Variants in BPIFC observed in about 807,000 individuals in gnomAD.
BPIFC encodes BPI fold-containing family C protein.
In BPIFC, 60 loss-of-function variants were observed where a neutral mutation model predicts 57.6. The observed-to-expected ratio is 1.04, with a 90% CI of 0.85 to 1.29. The LOEUF (loss-of-function observed/expected upper bound fraction) is 1.29, where lower values mean the gene tolerates loss of function less well. Ranked by LOEUF, BPIFC falls within the 50% of genes most tolerant of loss-of-function variation. The probability of loss-of-function intolerance (pLI) is 0.00; values close to 1 mark genes in which losing one functional copy is unlikely to be tolerated. For synonymous variants in BPIFC, 243 were observed against 224.5 expected (o/e 1.08, Z -0.74); for missense variants, 581 against 600.5 (o/e 0.97, Z 0.34).
intron 4 of BPIFC, among the ~76,000 whole-genome samples, chr22:32,447,750 C>T (rs543626638): frequency 6.6e-6 from 1 of 151,952 alleles, no homozygotes; most frequent in Admixed American, 6.6e-5. Flanking sequence ...GGTCTACAGG[C>T]ATGTGCCATC....
chr22:32,424,642 C>CCCTTCT lies in BPIFC; in HGVS notation c.1218-5239_1218-5238insAGAAGG, dbSNP rs1556036524. ...TCCTCCTCCTCCTCTTCTTCTTCTT[C>CCCTTCT]TCTTCTTCTTCTTCTTCTTCTTCTT... On this transcript the variant is annotated intron_variant, in intron 13 of 16. Coordinates refer to ENST00000300399, the MANE Select transcript of BPIFC (RefSeq NM_174932.3). Among the ~76,000 whole-genome samples the CCCTTCT allele has an allele frequency of 5.6e-4, 16 of 28,754 alleles. 3 individuals carry two copies. The highest frequency in any genetic ancestry group is 8.5e-4 in the Non-Finnish European group (15 of 17,660). 18.9% of individuals were successfully genotyped at this position (28,754 alleles called of 152,430 possible). A position where few individuals can be genotyped will look rare whatever the true frequency, so the allele number is the denominator to read the frequency against.
rs765539718 is a variant in BPIFC, at chr22:32,432,409, C to T, written c.1113G>A (p.Lys371=). The T allele has an allele frequency of 8.1e-6, 13 of 1,613,910 alleles. No individual in the cohort carries two copies. Among genetic ancestry groups the T allele is most frequent in the Admixed American group, 5.0e-5 (3 of 59,976 alleles). The part of the protein sequence containing the change: ...PASIMMLTQP[K]NSTVETIVSM... ...AAACGATGGTTTCAACTGTGGAGTT[C>T]TTGGGTTGGGTGAGCATCATGATGG... Residue 371 remains lysine (K), a synonymous_variant, in exon 12 of 17, where the codon AAG becomes AAA. Transcript: ENST00000300399.
chr22:32,435,709 C>T lies in BPIFC; in HGVS notation c.919G>A (p.Glu307Lys), dbSNP rs775661829. 44 of 1,612,988 alleles carry T rather than the reference C, an allele frequency of 2.7e-5. No homozygotes were observed. Among genetic ancestry groups the T allele is most frequent in the African/African-American group, 8.0e-5 (6 of 74,862 alleles). Reference protein sequence around the residue: ...AGVFNVTLSTEEISNHFVQNS... With the variant: ...AGVFNVTLSTKEISNHFVQNS... The stretch of plus-strand genomic sequence containing the variant: ...CCTCAGTTAACTCTCCTCACCTCTT[C>T]GGTGGAGAGAGTGACATTGAAAACC... Residue 307 changes from glutamate to lysine, a missense_variant, in exon 10 of 17, where the codon GAA (glutamate) becomes AAA (lysine). Glu to Lys is a moderately conservative substitution (Grantham distance 56). Coordinates refer to ENST00000300399, the MANE Select transcript of BPIFC (RefSeq NM_174932.3).
Position 32,447,429 on chromosome 22 carries a change from A to G in BPIFC, c.246-89T>C, listed in dbSNP as rs1432910481. 2.0e-6 allele frequency: 3 copies of G among 1,469,776 alleles called. No individual in the cohort carries two copies. The East Asian group carries it at 7.0e-5, about 34-fold the overall frequency. The allele number at this position is 1,469,776 out of a possible 1,614,324, so 91.0% of individuals were successfully genotyped here. Reference sequence around the variant, plus strand: ...TTGGGAACACAGTTGCAGAGCTCTTACCATTGAGGCCATTGTGAACTCCTA... The same window carrying G: ...TTGGGAACACAGTTGCAGAGCTCTTGCCATTGAGGCCATTGTGAACTCCTA... On this transcript the variant is annotated intron_variant, in intron 4 of 16. Transcript: ENST00000300399.
At chr22:32,428,984 TC>T (rs1412171566) in intron 13 of BPIFC, among the ~76,000 whole-genome samples, 1 of 152,044 alleles carries the variant, frequency 6.6e-6, no homozygotes, top group Non-Finnish European at 1.5e-5. Flanking sequence ...CCTCTCATAA[TC>T]CCATATCCTA....
chr22:32,430,563 ATATATTT>A (rs1934211050), intron 13 of BPIFC, among the ~76,000 whole-genome samples: 1 of 148,122 alleles, frequency 6.8e-6, no homozygotes, highest in South Asian at 2.1e-4. Context: ...AAATATAAAA[ATATATTT>A]ATTACATATG....
chr22:32,424,513 G>A (rs1361277102), intron 13 of BPIFC, among the ~76,000 whole-genome samples: 1 of 149,408 alleles, frequency 6.7e-6, no homozygotes, highest in African/African-American at 2.5e-5. Flanking sequence ...ATGCTTATGG[G>A]TTTCCTCTTC....
chr22:32,453,975 A>G lies in BPIFC; in HGVS notation c.125-472T>C, dbSNP rs188757263. Among the ~76,000 whole-genome samples, 17 of 152,280 alleles carry G rather than the reference A, an allele frequency of 1.1e-4. No individual in the cohort carries two copies. The East Asian group carries it at 2.7e-3, about 24-fold the overall frequency. ...AAAATTAAAAAATTAGCTGGGCATA[A>G]TGGTGCATGTCTATAGTACCAGTGA... On this transcript the variant is annotated intron_variant, in intron 3 of 16. Transcript: ENST00000300399.
chr22:32,416,701 T>C (rs1933688898), intron 15 of BPIFC, among the ~76,000 whole-genome samples: 1 of 152,242 alleles, frequency 6.6e-6, no homozygotes, highest in South Asian at 2.1e-4. Context: ...TCATGAAAAC[T>C]GTGTCTATCC....
At chr22:32,435,912 T>C in intron 9 of BPIFC, 32 bp from the exon 10 acceptor site, 1 of 1,586,266 alleles carries the variant, frequency 6.3e-7, no homozygotes, top group Non-Finnish European at 8.5e-7. Flanking sequence ...GACCAGTGTA[T>C]CAGGTGAAAA....
At chr22:32,436,165 G>T (rs185843308) in intron 9 of BPIFC, among the ~76,000 whole-genome samples, 2 of 152,036 alleles carry the variant, frequency 1.3e-5, no homozygotes, top group African/African-American at 4.8e-5. Context: ...GTGGTGGCGC[G>T]TACCTGTAGT....
intron 2 of BPIFC, among the ~76,000 whole-genome samples, chr22:32,460,776 G>T (rs1000897198): frequency 6.6e-6 from 1 of 152,060 alleles, no homozygotes; most frequent in Non-Finnish European, 1.5e-5. Context: ...TTATTCATGC[G>T]TGTATGTTTC....
intron 3 of BPIFC, among the ~76,000 whole-genome samples, chr22:32,456,934 G>T (rs1935050577): frequency 6.6e-6 from 1 of 152,216 alleles, no homozygotes; most frequent in South Asian, 2.1e-4. Context: ...AAGCCCCAAG[G>T]TGTTACTTTT....
intron 13 of BPIFC, among the ~76,000 whole-genome samples, chr22:32,426,867 T>C (rs1416275132): frequency 3.4e-5 from 5 of 146,586 alleles, no homozygotes; most frequent in Admixed American, 1.4e-4. Flanking sequence ...ACTCCAGCCC[T>C]GGCAACAGAG....
At chr22:32,447,088 T>A in intron 5 of BPIFC, 124 bp downstream of exon 5, 1 of 1,322,140 alleles carries the variant, frequency 7.6e-7, no homozygotes. Context: ...AAAATGCTTT[T>A]GAGAAAGATT....
At chr22:32,454,832 T>A (rs1028133508) in intron 3 of BPIFC, among the ~76,000 whole-genome samples, 1 of 152,170 alleles carries the variant, frequency 6.6e-6, no homozygotes, top group South Asian at 2.1e-4. Flanking sequence ...CTTGTGTGAC[T>A]CTGCAAGTTA....
intron 5 of BPIFC, among the ~76,000 whole-genome samples, chr22:32,446,296 T>C (rs1478479223): frequency 1.3e-5 from 2 of 152,180 alleles, no homozygotes; most frequent in African/African-American, 4.8e-5. Context: ...ATATACAATG[T>C]TTGTTTGGGG....
At chr22:32,421,281 T>C (rs1251227622) in intron 13 of BPIFC, among the ~76,000 whole-genome samples, 2 of 152,248 alleles carry the variant, frequency 1.3e-5, no homozygotes, top group East Asian at 1.9e-4. Context: ...TATGAAGAAA[T>C]AGTAATGAAT....
At chr22:32,428,320 C>T (rs759045671) in intron 13 of BPIFC, among the ~76,000 whole-genome samples, 102 of 151,612 alleles carry the variant, frequency 6.7e-4, no homozygotes, top group Non-Finnish European at 1.3e-3. Context: ...CTTGCTCTGT[C>T]GCCCAGATTG....
Sources: allele counts gnomAD v4.1 joint callset (sites outside exome capture counted in the v4.1 genomes callset), GRCh38; gene constraint gnomAD v4.1.1; transcripts MANE v1.5; gene names NCBI Gene and HGNC (gene_info 2026-07-23, HGNC 2026-07-21).